The following TRIO variants were observed in gnomAD, a reference collection of about 807,000 sequenced individuals.
The protein encoded by TRIO is triple functional domain protein.
In TRIO, 58 loss-of-function variants were observed where a neutral mutation model predicts 351.9. The ratio of observed to expected loss-of-function variants is 0.16; its 90% CI spans 0.13 to 0.21. The LOEUF (loss-of-function observed/expected upper bound fraction) is 0.21. Ranked by LOEUF, TRIO falls within the 10% of genes least tolerant of loss-of-function variation. TRIO has a pLI of 1.00. For synonymous variants in TRIO, 1,758 were observed against 1,595.7 expected (o/e 1.10, Z -2.42); for missense variants, 3,201 against 4,027.8 (o/e 0.79, Z 5.56).
intron 7 of TRIO, among the ~76,000 whole-genome samples, chr5:14,303,567 G>GT (rs1415593039): frequency 1.4e-5 from 2 of 142,622 alleles, no homozygotes; most frequent in East Asian, 2.2e-4. Context: ...GAGATGGAGG[G>GT]GGCAGTGGAG....
At chr5:14,226,433 T>C (rs1793037453) in intron 1 of TRIO, among the ~76,000 whole-genome samples, 1 of 152,160 alleles carries the variant, frequency 6.6e-6, no homozygotes, top group South Asian at 2.1e-4. Flanking sequence ...GAACAAGACT[T>C]ACCCTGAGAG....
intron 29 of TRIO, among the ~76,000 whole-genome samples, chr5:14,398,459 CAGAG>C (rs539400969): frequency 1.3e-5 from 2 of 152,012 alleles, no homozygotes; most frequent in Non-Finnish European, 2.9e-5. Context: ...GCTGAGGAAG[CAGAG>C]AGAATCAAGA....
chr5:14,165,133 A>G (rs1471492710), intron 1 of TRIO, among the ~76,000 whole-genome samples: 1 of 152,098 alleles, frequency 6.6e-6, no homozygotes, highest in Non-Finnish European at 1.5e-5. Context: ...TTTTATTTCA[A>G]CTTTTATTTT....
chr5:14,464,445 T>C (rs549063507), intron 36 of TRIO, among the ~76,000 whole-genome samples: 11 of 152,348 alleles, frequency 7.2e-5, no homozygotes, highest in Non-Finnish European at 1.3e-4. Context: ...CCACACAGTA[T>C]ATAATCTCGT....
chr5:14,364,602 A>G (rs1215666750), intron 14 of TRIO, 48 bp from the exon 15 acceptor site: 2 of 1,562,434 alleles, frequency 1.3e-6, no homozygotes, highest in Non-Finnish European at 1.7e-6. Context: ...TGAGAACAGA[A>G]GGTTGAAGTG....
At chr5:14,224,070 A>C (rs1231223517) in intron 1 of TRIO, among the ~76,000 whole-genome samples, 1 of 152,172 alleles carries the variant, frequency 6.6e-6, no homozygotes, top group Non-Finnish European at 1.5e-5. Context: ...ATATGCTACC[A>C]AATCATGTTT....
intron 30 of TRIO, chr5:14,399,278 A>G (rs1343476785): frequency 3.6e-6 from 2 of 558,842 alleles, no homozygotes; most frequent in Admixed American, 3.2e-5. Flanking sequence ...TTATAGACTT[A>G]GGAAACTTGC....
intron 1 of TRIO, among the ~76,000 whole-genome samples, chr5:14,167,109 G>A (rs772857151): frequency 6.6e-6 from 1 of 151,308 alleles, no homozygotes; most frequent in Non-Finnish European, 1.5e-5. Context: ...TCAATGGAGG[G>A]TGAAGAAGCA....
At chr5:14,429,693 T>A (rs1347971177) in intron 34 of TRIO, among the ~76,000 whole-genome samples, 2 of 152,204 alleles carry the variant, frequency 1.3e-5, no homozygotes, top group Non-Finnish European at 1.5e-5. Context: ...TTTTACATGG[T>A]TCAGAAAACA....
Position 14,251,358 on chromosome 5 carries a change from C to T in TRIO, c.158-19467C>T, listed in dbSNP as rs774677519. 5.3e-5 allele frequency among the ~76,000 whole-genome samples: 8 copies of T among 152,194 alleles called. No homozygotes were observed. The East Asian group carries it at 5.8e-4, about 11-fold the overall frequency. On this transcript the variant is annotated intron_variant, in intron 1 of 56. Transcript: ENST00000344204. ...CCCTACTGATTTTGATCAGCACTCA[C>T]GGGCAGCACGTAACCTGACAGAGCC...
At position 14,467,038 on chromosome 5, in the gene TRIO, T is replaced by C. The variant is rs1754312912; in HGVS notation, c.5763+1398T>C. ...CACTATTGTTATCCCATTTTACAGA[T>C]AAGGAAATTGAGGCACACAGAACAT... On this transcript the variant is annotated intron_variant, in intron 37 of 56. Coordinates refer to ENST00000344204, the MANE Select transcript of TRIO (RefSeq NM_007118.4). 2.6e-5 allele frequency among the ~76,000 whole-genome samples: 4 copies of C among 152,312 alleles called. No homozygotes were observed. In the South Asian group the frequency reaches 8.3e-4, roughly 32 times the overall value.
intron 34 of TRIO, among the ~76,000 whole-genome samples, chr5:14,455,199 G>C (rs1005882190): frequency 6.6e-6 from 1 of 152,174 alleles, no homozygotes; most frequent in African/African-American, 2.4e-5. Context: ...GGCTTGGGCA[G>C]CCTGCTTTTA....
At chr5:14,305,937 A>C (rs1195329580) in intron 8 of TRIO, among the ~76,000 whole-genome samples, 1 of 152,260 alleles carries the variant, frequency 6.6e-6, no homozygotes, top group Non-Finnish European at 1.5e-5. Flanking sequence ...TACAGTATTC[A>C]GTATAGTAAC....
At chr5:14,163,422 A>C (rs1334010302) in intron 1 of TRIO, among the ~76,000 whole-genome samples, 1 of 152,170 alleles carries the variant, frequency 6.6e-6, no homozygotes, top group African/African-American at 2.4e-5. Context: ...GGGTTTCACC[A>C]TGTTGGCCAG....
At chr5:14,296,657 G>A (rs1737388093) in intron 6 of TRIO, among the ~76,000 whole-genome samples, 1 of 152,274 alleles carries the variant, frequency 6.6e-6, no homozygotes, top group Admixed American at 6.5e-5. Flanking sequence ...CGTGTTTTTG[G>A]GTTTCTGGGT....
intron 31 of TRIO, among the ~76,000 whole-genome samples, chr5:14,405,185 T>G (rs1423827999): frequency 6.6e-6 from 1 of 152,122 alleles, no homozygotes; most frequent in African/African-American, 2.4e-5. Flanking sequence ...AGAGGACATT[T>G]CTTGAGAGTT....
At chr5:14,452,788 T>C (rs912401863) in intron 34 of TRIO, among the ~76,000 whole-genome samples, 4 of 152,238 alleles carry the variant, frequency 2.6e-5, no homozygotes, top group Non-Finnish European at 4.4e-5. Context: ...CAGAAGTCTT[T>C]AAGACTTTTT....
chr5:14,316,626 G>A lies in TRIO; in HGVS notation c.1614G>A (p.Leu538=), dbSNP rs2152305889. Residue 538 remains leucine, a synonymous_variant, in exon 9 of 57, where the codon CTG becomes CTA. Transcript: ENST00000344204. Reference sequence around the variant, plus strand: ...ACTCCAAGGCCGTGCACCATGTCCTGGATGTCATCCACGAGGTGCTGCACC... The same window carrying A: ...ACTCCAAGGCCGTGCACCATGTCCTAGATGTCATCCACGAGGTGCTGCACC... ...ANYSKAVHHV[L]DVIHEVLHHQ... The A allele has an allele frequency of 6.2e-7, 1 of 1,614,220 alleles. No individual in the cohort carries two copies. The highest frequency in any genetic ancestry group is 2.2e-5 in the East Asian group (1 of 44,888).
chr5:14,448,145 C>T (rs1752572788), intron 34 of TRIO, among the ~76,000 whole-genome samples: 1 of 152,214 alleles, frequency 6.6e-6, no homozygotes, highest in African/African-American at 2.4e-5. Flanking sequence ...TTTTAATAAT[C>T]TTTCTTTGTA....
Sources: gnomAD v4.1 joint callset for allele counts (sites outside exome capture counted in the v4.1 genomes callset) on GRCh38, gnomAD v4.1.1 for gene constraint, MANE v1.5 for transcripts, NCBI Gene and HGNC (gene_info 2026-07-23, HGNC 2026-07-21) for gene names.